Variants in PCDHA3 observed in about 807,000 individuals in gnomAD.
PCDHA3 encodes the protein protocadherin alpha 3.
PCDHA3 carries 41 observed loss-of-function variants against 62.2 expected under a neutral mutation model. The observed-to-expected ratio is 0.66, with a 90% CI of 0.51 to 0.86. PCDHA3 has a LOEUF of 0.86. Ranked by LOEUF, PCDHA3 falls within the 40% of genes least tolerant of loss-of-function variation. PCDHA3 has a pLI of 0.00. For synonymous variants in PCDHA3, 640 were observed against 555.4 expected, an observed-to-expected ratio of 1.15 and a Z score of -2.14; for missense variants, 1,304 against 1,241.2, an observed-to-expected ratio of 1.05 and a Z score of -0.76.
chr5:140,836,520 C>T (rs1450136766), intron 1 of PCDHA3: 2 of 1,613,738 alleles, frequency 1.2e-6, no homozygotes, highest in Admixed American at 1.7e-5. Context: ...TCTGTTGGTG[C>T]TTACCCTGCT....
intron 1 of PCDHA3, among the ~76,000 whole-genome samples, chr5:140,872,587 A>AC (rs777810037): frequency 6.0e-4 from 91 of 152,014 alleles, no homozygotes; most frequent in Middle Eastern, 3.4e-3. Flanking sequence ...TCATCGTGAG[A>AC]CCCCCATCTG....
intron 1 of PCDHA3, among the ~76,000 whole-genome samples, chr5:140,893,546 A>T (rs765690335): frequency 2.0e-5 from 3 of 152,210 alleles, no homozygotes; most frequent in Non-Finnish European, 4.4e-5. Context: ...TGTAGGACTT[A>T]TCTAGTTGTA....
rs2150235707 is a variant in PCDHA3 at position 140,835,435 on chromosome 5, C to T, written c.2394+31844C>T. 9.9e-6 allele frequency: 16 copies of T among 1,613,906 alleles called. 1 individual carries two copies. The highest frequency in any genetic ancestry group is 3.3e-5 in the Admixed American group (2 of 60,014). On this transcript the variant is annotated intron_variant, in intron 1 of 3. Coordinates refer to ENST00000522353, the MANE Select transcript of PCDHA3 (RefSeq NM_018906.3). ...GTAAATGACAATGCTCCACAGTTGA[C>T]TCTCACTTCCCTGTCTCTCCCTATT...
intron 3 of PCDHA3, among the ~76,000 whole-genome samples, chr5:140,995,889 A>G (rs1007675217): frequency 1.3e-5 from 2 of 152,202 alleles, no homozygotes; most frequent in African/African-American, 4.8e-5. Context: ...CTTCAGATTT[A>G]TCAATGTATA....
At chr5:140,820,528 T>C (rs1766776275) in intron 1 of PCDHA3, among the ~76,000 whole-genome samples, 1 of 152,078 alleles carries the variant, frequency 6.6e-6, no homozygotes, top group South Asian at 2.1e-4. Flanking sequence ...GAATGTTAGC[T>C]ATTTCTTCAA....
chr5:140,816,539 G>A (rs2126673533), intron 1 of PCDHA3: 1,789 of 151,276 alleles, frequency 0.012, 32 homozygotes, highest in African/African-American at 0.041. Context: ...GTGTGGGCAC[G>A]CACTATTTGA....
chr5:140,871,364 G>A lies in PCDHA3; in HGVS notation c.2394+67773G>A, dbSNP rs113722940. ...AGCTGGTCATACTCGCAGCAGAGGC[G>A]GCAGAGGGTGTGCTCTGAGGAGGGC... On this transcript the variant is annotated intron_variant, in intron 1 of 3. Transcript: ENST00000522353. The A allele has an allele frequency of 2.5e-5, 40 of 1,614,220 alleles. 1 individual carries two copies. The highest frequency in any genetic ancestry group is 2.0e-4 in the African/African-American group (15 of 75,074).
rs149975240 is a variant in PCDHA3, at chr5:140,822,914, C to T, written c.2394+19323C>T. On this transcript the variant is annotated intron_variant, in intron 1 of 3. Transcript: ENST00000522353. ...AGCGTGTCTGACCGTGACTCAGGTGCCAACGGGCAGGTGACCTGCTCCCTA... is the reference window on the plus strand; with the variant it reads ...AGCGTGTCTGACCGTGACTCAGGTGTCAACGGGCAGGTGACCTGCTCCCTA... 3,249 of 1,614,244 alleles carry T rather than the reference C, an allele frequency of 2.0e-3. 9 individuals carry two copies. Among genetic ancestry groups the T allele is most frequent in the Non-Finnish European group, 2.0e-3 (2,332 of 1,180,052 alleles).
intron 1 of PCDHA3, among the ~76,000 whole-genome samples, chr5:140,911,002 C>A (rs1216727256): frequency 6.6e-6 from 1 of 152,114 alleles, no homozygotes; most frequent in Non-Finnish European, 1.5e-5. Context: ...CCCTAGGGCC[C>A]TCCTGGGACT....
chr5:140,991,003 A>C (rs1228444549), intron 3 of PCDHA3, among the ~76,000 whole-genome samples: 1 of 152,190 alleles, frequency 6.6e-6, no homozygotes, highest in East Asian at 1.9e-4. Flanking sequence ...ATTTATTGAG[A>C]ACTGTGATAA....
At chr5:140,836,951 G>T (rs1344395357) in intron 1 of PCDHA3, 4 of 428,312 alleles carry the variant, frequency 9.3e-6, no homozygotes, top group South Asian at 5.1e-5. Context: ...AAAATCTATG[G>T]TTTATGTTGG....
chr5:140,822,057 G>A (rs1554128419), intron 1 of PCDHA3: 1 of 1,614,224 alleles, frequency 6.2e-7, no homozygotes, highest in South Asian at 1.1e-5. Flanking sequence ...GGGAGGAGCT[G>A]TGCCGGCGGA....
intron 1 of PCDHA3, among the ~76,000 whole-genome samples, chr5:140,838,465 G>A (rs2150289801): frequency 3.4e-4 from 52 of 151,444 alleles, no homozygotes; most frequent in Admixed American, 3.3e-3. Flanking sequence ...TTTCATTAGC[G>A]CTTATTCCTT....
At position 140,802,731 on chromosome 5, in the gene PCDHA3, G is replaced by C; in HGVS notation, c.1534G>C (p.Ala512Pro). ...GCTGTCGAGCTACGTGTCGGTACAC[G>C]CGGAGAGCGGCAAGGTGTACGCGCT... ...RALSSYVSVH[A>P]ESGKVYALQP... Residue 512 changes from alanine to proline, a missense_variant, in exon 1 of 4, where the codon GCG becomes CCG. Ala to Pro is a conservative substitution (Grantham distance 27). Coordinates refer to ENST00000522353, the MANE Select transcript of PCDHA3 (RefSeq NM_018906.3). 5.0e-6 allele frequency: 8 copies of C among 1,612,540 alleles called. No individual in the cohort carries two copies. Among genetic ancestry groups the C allele is most frequent in the Non-Finnish European group, 6.8e-6 (8 of 1,179,788 alleles).
intron 1 of PCDHA3, among the ~76,000 whole-genome samples, chr5:140,955,510 T>G (rs1554221967): frequency 6.6e-6 from 1 of 152,154 alleles, no homozygotes; most frequent in Non-Finnish European, 1.5e-5. Context: ...AAAGACGTGT[T>G]TGCTTTCCCT....
In PCDHA3 at chr5:140,911,678, G is replaced by A. The variant is rs551063911; in HGVS notation, c.2395-67271G>A. ...CTAAACTCCTTGCCTCTCACGAACCGTGCATCAGGAGTGTCAAATGAATTT... is the reference window on the plus strand; with the variant it reads ...CTAAACTCCTTGCCTCTCACGAACCATGCATCAGGAGTGTCAAATGAATTT... On this transcript the variant is annotated intron_variant, in intron 1 of 3. Coordinates refer to ENST00000522353, the MANE Select transcript of PCDHA3 (RefSeq NM_018906.3). Among the ~76,000 whole-genome samples the A allele has an allele frequency of 7.9e-5, 12 of 152,234 alleles. No homozygotes were observed. The South Asian group carries it at 1.2e-3, about 16-fold the overall frequency.
At chr5:140,866,347 A>G (rs1554160242) in intron 1 of PCDHA3, 2 of 152,140 alleles carry the variant, frequency 1.3e-5, no homozygotes, top group Admixed American at 6.5e-5. Context: ...GGATTCAAGA[A>G]ATGTTTACAA....
chr5:140,820,669 G>A (rs1256170488), intron 1 of PCDHA3, among the ~76,000 whole-genome samples: 1 of 151,954 alleles, frequency 6.6e-6, no homozygotes, highest in African/African-American at 2.4e-5. Flanking sequence ...CTAATATAAA[G>A]ATAGCCTGGT....
intron 3 of PCDHA3, among the ~76,000 whole-genome samples, chr5:141,003,770 T>A (rs1365152633): frequency 6.6e-6 from 1 of 152,246 alleles, no homozygotes; most frequent in East Asian, 1.9e-4. Flanking sequence ...TCGTATTCTG[T>A]TAAATAAACT....
Sources: gnomAD v4.1 joint callset for allele counts (sites outside exome capture counted in the v4.1 genomes callset) on GRCh38, gnomAD v4.1.1 for gene constraint, MANE v1.5 for transcripts, NCBI Gene and HGNC (gene_info 2026-07-23, HGNC 2026-07-21) for gene names.